Variants in WFDC10B observed in about 807,000 individuals in gnomAD.
WFDC10B encodes WAP four-disulfide core domain 10B, also known as protein WFDC10B.
Under a neutral mutation model 2.7 loss-of-function variants are expected in WFDC10B, and 1 was observed. That is an observed-to-expected ratio of 0.38 (90% CI 0.13 to 1.79). The LOEUF (loss-of-function observed/expected upper bound fraction) is 1.79. Ranked by LOEUF, WFDC10B falls within the 40% of genes most tolerant of loss-of-function variation. The pLI, the probability that WFDC10B is intolerant of heterozygous loss-of-function variation, is 0.33. For synonymous variants in WFDC10B, 26 were observed against 32.2 expected, an observed-to-expected ratio of 0.81 and a Z score of 0.65; for missense variants, 71 against 87.8, an observed-to-expected ratio of 0.81 and a Z score of 0.76.
intron 1 of WFDC10B, 41 bp downstream of exon 1, chr20:45,704,876 TC>T (rs764887150): frequency 6.3e-7 from 1 of 1,597,644 alleles, no homozygotes. Flanking sequence ...CCACAGACCT[TC>T]CCCCGACCCA....
chr20:45,699,977 G>A (rs1484071737), intron 2 of WFDC10B, among the ~76,000 whole-genome samples: 3 of 152,104 alleles, frequency 2.0e-5, no homozygotes, highest in Admixed American at 6.5e-5. Flanking sequence ...GCACCCAGCC[G>A]TGCATTTATC....
chr20:45,689,735 T>C (rs1361421013), intron 2 of WFDC10B, among the ~76,000 whole-genome samples: 1 of 152,188 alleles, frequency 6.6e-6, no homozygotes, highest in Non-Finnish European at 1.5e-5. Flanking sequence ...CTTAAGGAGA[T>C]TTTGGGCTGA....
At chr20:45,686,351 G>T (rs1983617881) in intron 2 of WFDC10B, among the ~76,000 whole-genome samples, 1 of 152,140 alleles carries the variant, frequency 6.6e-6, no homozygotes, top group South Asian at 2.1e-4. Flanking sequence ...TTTTTTAAAA[G>T]GTGCTTAGAA....
chr20:45,690,941 T>G (rs1346970103), intron 2 of WFDC10B, among the ~76,000 whole-genome samples: 1 of 152,222 alleles, frequency 6.6e-6, no homozygotes, highest in East Asian at 1.9e-4. Context: ...GTGTCAATTT[T>G]GGATCTTTCC....
At chr20:45,695,194 A>G (rs1983940939) in intron 2 of WFDC10B, among the ~76,000 whole-genome samples, 1 of 152,204 alleles carries the variant, frequency 6.6e-6, no homozygotes. Context: ...TGCAACTGGC[A>G]CCTGAAGTTG....
intron 2 of WFDC10B, among the ~76,000 whole-genome samples, chr20:45,687,241 A>G (rs1395064584): frequency 6.8e-6 from 1 of 148,048 alleles, no homozygotes; most frequent in East Asian, 1.9e-4. Context: ...AAGGGAGAAC[A>G]TGGGGTGTTT....
intron 2 of WFDC10B, among the ~76,000 whole-genome samples, chr20:45,692,165 C>A (rs754731706): frequency 1.7e-4 from 26 of 152,114 alleles, no homozygotes; most frequent in Non-Finnish European, 3.5e-4. Flanking sequence ...ATATTGGTCC[C>A]CACTCTCTTC....
At chr20:45,686,537 T>C (rs1983626089) in intron 2 of WFDC10B, among the ~76,000 whole-genome samples, 1 of 136,088 alleles carries the variant, frequency 7.3e-6, no homozygotes, top group Non-Finnish European at 1.5e-5. Flanking sequence ...ACATAATTTT[T>C]TTGGGGGGGG....
intron 2 of WFDC10B, among the ~76,000 whole-genome samples, chr20:45,687,402 C>T (rs2145634317): frequency 6.6e-6 from 1 of 152,200 alleles, no homozygotes; most frequent in Non-Finnish European, 1.5e-5. Flanking sequence ...TTTCTTTATC[C>T]AATCTATCAT....
chr20:45,686,008 G>A lies in WFDC10B; in HGVS notation c.-16C>T, dbSNP rs200199763. The A allele has an allele frequency of 2.0e-5, 32 of 1,612,988 alleles. No homozygotes were observed. The highest frequency in any genetic ancestry group is 1.6e-4 in the East Asian group (7 of 44,826). On this transcript the variant is annotated 5_prime_UTR_variant, in exon 3 of 4. In the 5' UTR this introduces an upstream ATG that the reference lacks. Transcript: ENST00000330523. ...GGGGTGCCATAACTCTGACCAGAGC[G>A]TGAGCCCTAAGTCTGGCCAGGCAGT... is the stretch of plus-strand genomic sequence containing the variant.
At chr20:45,692,348 C>A (rs934923622) in intron 2 of WFDC10B, among the ~76,000 whole-genome samples, 5 of 151,934 alleles carry the variant, frequency 3.3e-5, no homozygotes, top group Non-Finnish European at 5.9e-5. Flanking sequence ...ATCTTTGTGG[C>A]ATTCTCTGTA....
intron 2 of WFDC10B, among the ~76,000 whole-genome samples, chr20:45,687,847 G>GT (rs1410745448): frequency 7.0e-6 from 1 of 142,926 alleles, no homozygotes; most frequent in East Asian, 2.1e-4. Flanking sequence ...TAATGGGATT[G>GT]CTTGTCTTTT....
intron 2 of WFDC10B, among the ~76,000 whole-genome samples, chr20:45,700,908 C>A (rs562568196): frequency 6.6e-6 from 1 of 152,092 alleles, no homozygotes; most frequent in South Asian, 2.1e-4. Flanking sequence ...AGAGAACACA[C>A]AAAGAAACCA....
chr20:45,701,502 C>CT (rs952805147), intron 2 of WFDC10B, among the ~76,000 whole-genome samples: 45 of 152,118 alleles, frequency 3.0e-4, no homozygotes, highest in African/African-American at 1.1e-3. Flanking sequence ...TGGCTCACAC[C>CT]TGTAATCCTA....
intron 2 of WFDC10B, among the ~76,000 whole-genome samples, chr20:45,697,792 G>A (rs554725867): frequency 6.4e-5 from 9 of 141,152 alleles, no homozygotes; most frequent in Non-Finnish European, 1.4e-4. Context: ...CACCCAGGCT[G>A]GAGTGCAGTG....
intron 2 of WFDC10B, among the ~76,000 whole-genome samples, chr20:45,688,373 C>A (rs562321002): frequency 3.3e-4 from 50 of 152,162 alleles, no homozygotes; most frequent in African/African-American, 1.2e-3. Flanking sequence ...TATTTATAGT[C>A]CTTTGGGTGT....
chr20:45,704,309 C>A, intron 2 of WFDC10B, 188 bp downstream of exon 2: 1 of 1,223,484 alleles, frequency 8.2e-7, no homozygotes, highest in East Asian at 2.5e-5. Flanking sequence ...AGGACAAAAC[C>A]TGATGCCACC....
chr20:45,704,597 AAG>A (rs1984310290), intron 1 of WFDC10B, 36 bp from the exon 2 acceptor site: 2 of 1,613,786 alleles, frequency 1.2e-6, no homozygotes, highest in Non-Finnish European at 8.5e-7. Context: ...CGCAACAGGT[AAG>A]AGATATCTCA....
chr20:45,690,165 C>A (rs1163096131), intron 2 of WFDC10B, among the ~76,000 whole-genome samples: 2 of 151,558 alleles, frequency 1.3e-5, no homozygotes, highest in Non-Finnish European at 2.9e-5. Flanking sequence ...TATATTGAAC[C>A]AGCCTTGCAT....
Sources: allele counts gnomAD v4.1 joint callset (sites outside exome capture counted in the v4.1 genomes callset), GRCh38; gene constraint gnomAD v4.1.1; transcripts MANE v1.5; gene names NCBI Gene and HGNC (gene_info 2026-07-23, HGNC 2026-07-21).